The following SORCS1 variants were observed in gnomAD, a reference collection of about 807,000 sequenced individuals.
SORCS1 encodes sortilin related VPS10 domain containing receptor 1.
In SORCS1, 60 loss-of-function variants were observed where a neutral mutation model predicts 146.1. The observed-to-expected ratio is 0.41, with a 90% CI of 0.33 to 0.51. The LOEUF is 0.51. SORCS1 is among the 20% of genes least tolerant of loss of function. SORCS1 has a pLI of 0.21. For synonymous variants in SORCS1, 637 were observed against 584.0 expected (o/e 1.09, Z -1.31); for missense variants, 1,352 against 1,487.6 (o/e 0.91, Z 1.50).
chr10:106,822,942 G>C (rs746969371), intron 3 of SORCS1, among the ~76,000 whole-genome samples: 1 of 140,448 alleles, frequency 7.1e-6, no homozygotes, highest in Non-Finnish European at 1.6e-5. Context: ...CACCGCACCC[G>C]GCTAATTTTT....
At chr10:107,148,495 C>T (rs1165865422) in intron 1 of SORCS1, among the ~76,000 whole-genome samples, 1 of 152,164 alleles carries the variant, frequency 6.6e-6, no homozygotes, top group South Asian at 2.1e-4. Context: ...CCATCTTTGG[C>T]TTGTGGGCCA....
intron 2 of SORCS1, among the ~76,000 whole-genome samples, chr10:106,831,632 C>T (rs559625476): frequency 7.3e-4 from 106 of 145,042 alleles, no homozygotes; most frequent in Non-Finnish European, 8.2e-4. Flanking sequence ...TCAGTATACA[C>T]AGTGGACCAA....
chr10:106,926,313 C>A (rs1953013960), intron 2 of SORCS1, among the ~76,000 whole-genome samples: 1 of 152,074 alleles, frequency 6.6e-6, no homozygotes, highest in Non-Finnish European at 1.5e-5. Flanking sequence ...TAATCGTGTG[C>A]CTTGAATAAA....
chr10:106,767,884 T>A (rs1259614558), intron 4 of SORCS1, among the ~76,000 whole-genome samples: 1 of 152,222 alleles, frequency 6.6e-6, no homozygotes, highest in African/African-American at 2.4e-5. Flanking sequence ...TTTCAAAGCC[T>A]ACAAAACTAT....
intron 1 of SORCS1, among the ~76,000 whole-genome samples, chr10:107,082,464 T>C (rs1268475664): frequency 6.6e-6 from 1 of 152,074 alleles, no homozygotes; most frequent in Non-Finnish European, 1.5e-5. Flanking sequence ...GCTTCTCCTT[T>C]CTTTTTTTTT....
intron 1 of SORCS1, among the ~76,000 whole-genome samples, chr10:107,108,353 T>C (rs548572639): frequency 5.9e-5 from 9 of 152,334 alleles, no homozygotes; most frequent in Non-Finnish European, 1.3e-4. Flanking sequence ...TGGCATCTGC[T>C]TGGCTTCTGG....
intron 18 of SORCS1, among the ~76,000 whole-genome samples, chr10:106,631,552 G>A (rs1044195722): frequency 6.6e-6 from 1 of 152,166 alleles, no homozygotes; most frequent in Non-Finnish European, 1.5e-5. Flanking sequence ...GTTATCCATG[G>A]AATAAAACAA....
chr10:107,007,784 G>A (rs1957517971), intron 1 of SORCS1, among the ~76,000 whole-genome samples: 2 of 152,154 alleles, frequency 1.3e-5, no homozygotes, highest in Admixed American at 1.3e-4. Flanking sequence ...AGCACCTCTA[G>A]GCCACATCCC....
intron 2 of SORCS1, among the ~76,000 whole-genome samples, chr10:106,934,567 G>T (rs1264603735): frequency 6.6e-6 from 1 of 152,124 alleles, no homozygotes; most frequent in African/African-American, 2.4e-5. Flanking sequence ...CCAGTATGGA[G>T]ATTTTTTAAA....
intron 1 of SORCS1, among the ~76,000 whole-genome samples, chr10:107,064,491 G>C (rs1003950590): frequency 2.0e-5 from 3 of 152,198 alleles, no homozygotes; most frequent in African/African-American, 7.2e-5. Flanking sequence ...AACCAGTAAA[G>C]TGACTGCTCT....
chr10:106,815,155 C>A (rs1947673736), intron 3 of SORCS1, among the ~76,000 whole-genome samples: 1 of 151,876 alleles, frequency 6.6e-6, no homozygotes, highest in African/African-American at 2.4e-5. Context: ...GATGGGGTTT[C>A]TCCATGTTGG....
chr10:106,824,726 G>A (rs1329179667), intron 3 of SORCS1, among the ~76,000 whole-genome samples: 1 of 152,076 alleles, frequency 6.6e-6, no homozygotes, highest in Non-Finnish European at 1.5e-5. Flanking sequence ...CATATAATAG[G>A]GTAATTAAAA....
intron 6 of SORCS1, among the ~76,000 whole-genome samples, chr10:106,721,548 T>G (rs113477989): frequency 6.6e-6 from 1 of 152,372 alleles, no homozygotes; most frequent in Non-Finnish European, 1.5e-5. Context: ...ATATGCCTTT[T>G]TAAAATTTGC....
intron 1 of SORCS1, among the ~76,000 whole-genome samples, chr10:106,963,913 G>A (rs1316865954): frequency 6.6e-6 from 1 of 152,190 alleles, no homozygotes; most frequent in Non-Finnish European, 1.5e-5. Flanking sequence ...AGGTACTCAC[G>A]AAATATGAGG....
rs192653791 is a variant in SORCS1 at position 106,677,361 on chromosome 10, C to A, written c.1784G>T (p.Gly595Val). Residue 595 changes from glycine (G) to valine (V), a missense_variant, in exon 13 of 26, where the codon GGA becomes GTA. Transcript: ENST00000263054. ...TGTGTGTTTCATAGCAACCAGGACT[C>A]CACCTTGATCCAGGTACAAAACACT... ...EHSVLYLDQG[G>V]VLVAMKHTSL... 3 of 1,613,978 alleles carry A rather than the reference C, an allele frequency of 1.9e-6. No individual in the cohort carries two copies. The Admixed American group carries it at 5.0e-5, about 27-fold the overall frequency.
intron 1 of SORCS1, among the ~76,000 whole-genome samples, chr10:107,151,587 A>G (rs1397048553): frequency 6.6e-6 from 1 of 152,184 alleles, no homozygotes; most frequent in African/African-American, 2.4e-5. Flanking sequence ...ATAGCACAGG[A>G]AAGACCAACC....
chr10:106,810,455 G>A (rs758703709), intron 3 of SORCS1, among the ~76,000 whole-genome samples: 1 of 152,116 alleles, frequency 6.6e-6, no homozygotes, highest in Non-Finnish European at 1.5e-5. Flanking sequence ...TATCTAATAA[G>A]CCTATGTGGG....
intron 5 of SORCS1, among the ~76,000 whole-genome samples, chr10:106,761,104 AAAAT>A (rs537373352): frequency 1.3e-5 from 2 of 152,162 alleles, no homozygotes; most frequent in East Asian, 1.9e-4. Context: ...GAGACTGTCT[AAAAT>A]AAATAAATAA....
chr10:106,593,840 T>G (rs964399969), intron 24 of SORCS1, among the ~76,000 whole-genome samples: 2 of 152,224 alleles, frequency 1.3e-5, no homozygotes, highest in Admixed American at 1.3e-4. Context: ...GGTTCTTCTT[T>G]AAATCTCAGT....
Sources: allele counts gnomAD v4.1 joint callset (sites outside exome capture counted in the v4.1 genomes callset), GRCh38; gene constraint gnomAD v4.1.1; transcripts MANE v1.5; gene names NCBI Gene and HGNC (gene_info 2026-07-23, HGNC 2026-07-21).